ROBO1: variants seen among roughly 807,000 people sequenced by gnomAD.
ROBO1 encodes roundabout guidance receptor 1, also known as roundabout homolog 1.
In ROBO1, 149 loss-of-function variants were observed where a neutral mutation model predicts 195.9. The observed-to-expected ratio is 0.76, with a 90% confidence interval of 0.67 to 0.87. The LOEUF is 0.87. Ranked by LOEUF, ROBO1 falls within the 40% of genes least tolerant of loss-of-function variation. The pLI is 0.00. For synonymous variants in ROBO1, 816 were observed against 733.2 expected (o/e 1.11, Z -1.82); for missense variants, 1,933 against 2,068.3 (o/e 0.93, Z 1.27).
intron 4 of ROBO1, among the ~76,000 whole-genome samples, chr3:78,749,836 T>A (rs1047644277): frequency 6.6e-6 from 1 of 152,280 alleles, no homozygotes; most frequent in East Asian, 1.9e-4. Flanking sequence ...TTAACCAAAG[T>A]ATATATACTT....
intron 1 of ROBO1, among the ~76,000 whole-genome samples, chr3:79,622,544 G>A (rs1057220479): frequency 6.6e-6 from 1 of 152,212 alleles, no homozygotes; most frequent in Admixed American, 6.5e-5. Flanking sequence ...TCCCCCAACA[G>A]CCCAACATAC....
Position 78,938,931 on chromosome 3 carries a change from C to A in ROBO1, c.173-4G>T, listed in dbSNP as rs377058106. On this transcript the variant is annotated splice_polypyrimidine_tract_variant and splice_region_variant and intron_variant, in intron 3 of 30. Coordinates refer to ENST00000464233, the MANE Select transcript of ROBO1 (RefSeq NM_002941.4). ...TCTTCCTGACGAAGACGGGAGCCTG[C>A]AGAAGAATTCACAAAATATCTTCGT... 960 of 1,595,742 alleles carry A rather than the reference C, an allele frequency of 6.0e-4. No individual in the cohort carries two copies. The highest frequency in any genetic ancestry group is 7.7e-4 in the Non-Finnish European group (903 of 1,171,402).
intron 3 of ROBO1, among the ~76,000 whole-genome samples, chr3:79,066,710 A>G (rs2079008747): frequency 6.6e-6 from 1 of 151,960 alleles, no homozygotes; most frequent in African/African-American, 2.4e-5. Flanking sequence ...CATAATAATG[A>G]GCTCTGAAAG....
At chr3:79,658,952 G>C (rs1946249877) in intron 1 of ROBO1, among the ~76,000 whole-genome samples, 1 of 151,834 alleles carries the variant, frequency 6.6e-6, no homozygotes, top group South Asian at 2.1e-4. Flanking sequence ...GGCCAGGCTG[G>C]TCTTGAACTC....
intron 1 of ROBO1, among the ~76,000 whole-genome samples, chr3:79,680,002 C>A (rs374425829): frequency 2.0e-5 from 3 of 151,934 alleles, no homozygotes; most frequent in Non-Finnish European, 4.4e-5. Flanking sequence ...CTTCCAATAA[C>A]CCCCAAATTT....
chr3:78,849,141 A>G (rs1324269616), intron 4 of ROBO1, among the ~76,000 whole-genome samples: 1 of 152,134 alleles, frequency 6.6e-6, no homozygotes, highest in Non-Finnish European at 1.5e-5. Context: ...AGTAGTCTTT[A>G]AATATTTGTT....
intron 4 of ROBO1, among the ~76,000 whole-genome samples, chr3:78,752,988 T>C (rs1331447519): frequency 3.3e-5 from 5 of 152,176 alleles, no homozygotes; most frequent in Non-Finnish European, 7.3e-5. Flanking sequence ...TTTTGAAGAT[T>C]GGACAAAACT....
intron 1 of ROBO1, among the ~76,000 whole-genome samples, chr3:79,602,870 G>A (rs1944377806): frequency 6.6e-6 from 1 of 151,774 alleles, no homozygotes; most frequent in Admixed American, 6.6e-5. Context: ...CTATACTGAT[G>A]GTATTCTAGT....
chr3:78,884,816 T>C (rs1338772609), intron 4 of ROBO1, among the ~76,000 whole-genome samples: 2 of 151,136 alleles, frequency 1.3e-5, no homozygotes, highest in Non-Finnish European at 2.9e-5. Flanking sequence ...ATTGAGATAA[T>C]AACATAAGGA....
intron 1 of ROBO1, among the ~76,000 whole-genome samples, chr3:79,684,933 C>T (rs978660093): frequency 7.9e-5 from 12 of 152,042 alleles, no homozygotes; most frequent in African/African-American, 2.9e-4. Context: ...GCCTCAGCCT[C>T]CCAAAGTGCT....
At chr3:79,762,221 TAGAC>T (rs1200310829) in intron 1 of ROBO1, among the ~76,000 whole-genome samples, 5 of 152,074 alleles carry the variant, frequency 3.3e-5, no homozygotes, top group African/African-American at 1.2e-4. Context: ...TTCTGCTTCA[TAGAC>T]AGCCATCTTC....
At chr3:78,936,832 A>G (rs972833907) in intron 4 of ROBO1, among the ~76,000 whole-genome samples, 3 of 152,038 alleles carry the variant, frequency 2.0e-5, no homozygotes, top group African/African-American at 7.2e-5. Flanking sequence ...CTTATTTTGC[A>G]TGGGCTACAT....
chr3:79,140,628 A>T (rs2080505708), intron 2 of ROBO1, among the ~76,000 whole-genome samples: 1 of 152,160 alleles, frequency 6.6e-6, no homozygotes, highest in African/African-American at 2.4e-5. Context: ...TAAATGGATC[A>T]TCTATATTTT....
chr3:79,630,068 A>G (rs1287220434), intron 1 of ROBO1, among the ~76,000 whole-genome samples: 2 of 152,018 alleles, frequency 1.3e-5, no homozygotes, highest in Non-Finnish European at 2.9e-5. Context: ...AATAAGAGTT[A>G]GTACCAGTAT....
At chr3:79,183,831 A>T (rs1365056935) in intron 2 of ROBO1, among the ~76,000 whole-genome samples, 1 of 152,210 alleles carries the variant, frequency 6.6e-6, no homozygotes. Context: ...ATATAACATT[A>T]GTGAATTATC....
At chr3:78,902,278 T>C (rs1313377928) in intron 4 of ROBO1, among the ~76,000 whole-genome samples, 1 of 152,224 alleles carries the variant, frequency 6.6e-6, no homozygotes, top group Non-Finnish European at 1.5e-5. Flanking sequence ...CAAATCATGC[T>C]TGAAATTAAA....
chr3:78,991,103 A>T (rs1253228290), intron 3 of ROBO1, among the ~76,000 whole-genome samples: 1 of 152,130 alleles, frequency 6.6e-6, no homozygotes, highest in Non-Finnish European at 1.5e-5. Flanking sequence ...TATGGATAGG[A>T]TTAGCAATTG....
At chr3:79,456,976 C>A (rs1044343471) in intron 2 of ROBO1, among the ~76,000 whole-genome samples, 3 of 152,110 alleles carry the variant, frequency 2.0e-5, no homozygotes, top group Non-Finnish European at 4.4e-5. Context: ...TTAATTTTTT[C>A]TTCTCAAGAC....
chr3:79,308,045 C>T (rs1040793598), intron 2 of ROBO1, among the ~76,000 whole-genome samples: 1 of 152,088 alleles, frequency 6.6e-6, no homozygotes, highest in Non-Finnish European at 1.5e-5. Context: ...TATAAATTCC[C>T]ACAAGCTGAC....
Sources: gnomAD v4.1 joint callset for allele counts (sites outside exome capture counted in the v4.1 genomes callset) on GRCh38, gnomAD v4.1.1 for gene constraint, MANE v1.5 for transcripts, NCBI Gene and HGNC (gene_info 2026-07-23, HGNC 2026-07-21) for gene names.